The following FXR2 variants were observed in gnomAD, a reference collection of about 807,000 sequenced individuals.
FXR2 encodes the protein FMR1 autosomal homolog 2.
In FXR2, 9 loss-of-function variants were observed where a neutral mutation model predicts 87.3. The ratio of observed to expected loss-of-function variants is 0.10; its 90% CI spans 0.06 to 0.18. FXR2 has a LOEUF of 0.18. Ranked by LOEUF, FXR2 falls within the 10% of genes least tolerant of loss-of-function variation. FXR2 has a pLI of 1.00. For missense variants in FXR2, 661 were observed against 893.6 expected, an observed-to-expected ratio of 0.74 and a Z score of 3.32; for synonymous variants, 331 against 328.3, an observed-to-expected ratio of 1.01 and a Z score of -0.09.
chr17:7,612,324 A>C (rs1260509123), intron 1 of FXR2, among the ~76,000 whole-genome samples: 1 of 152,212 alleles, frequency 6.6e-6, no homozygotes. Flanking sequence ...CCACTTTAGG[A>C]AGCTATTTCA....
Position 7,614,643 on chromosome 17 carries a change from C to T in FXR2, c.-111G>A, listed in dbSNP as rs1254991796. The T allele has an allele frequency of 3.7e-6, 2 of 543,032 alleles. No homozygotes were observed. The highest frequency in any genetic ancestry group is 3.8e-5 in the East Asian group (1 of 26,206). The allele number at this position is 543,032 out of a possible 1,614,324, so 33.6% of individuals were successfully genotyped here. A position where few individuals can be genotyped will look rare whatever the true frequency, so the allele number is the denominator to read the frequency against. ...GGAGGAGGAGCCGGAGGGGGAGCCGCGGGGGGCGGGAGCCGGGCCGGCCCC... is the reference window on the plus strand; with the variant it reads ...GGAGGAGGAGCCGGAGGGGGAGCCGTGGGGGGCGGGAGCCGGGCCGGCCCC... On this transcript the variant is annotated 5_prime_UTR_variant, in exon 1 of 17. Transcript: ENST00000250113.
intron 7 of FXR2, among the ~76,000 whole-genome samples, chr17:7,601,094 G>A (rs1296339719): frequency 2.6e-5 from 4 of 151,378 alleles, no homozygotes; most frequent in South Asian, 2.1e-4. Flanking sequence ...CATGAGAATC[G>A]CTTAAACACA....
Position 7,614,549 on chromosome 17 carries a change from C to G in FXR2, c.-17G>C, listed in dbSNP as rs2150951265. 2 of 1,443,322 alleles carry G rather than the reference C, an allele frequency of 1.4e-6. No homozygotes were observed. The highest frequency in any genetic ancestry group is 3.0e-5 in the African/African-American group (2 of 67,368). The allele number at this position is 1,443,322 out of a possible 1,614,324, so 89.4% of individuals were successfully genotyped here. A position where few individuals can be genotyped will look rare whatever the true frequency, so the allele number is the denominator to read the frequency against. ...GCCGCCCATGGCGCCGCCACCGCCT[C>G]CGACTCCCCCGGCGGCGGCTGCAGC... On this transcript the variant is annotated 5_prime_UTR_variant, in exon 1 of 17. Transcript: ENST00000250113.
chr17:7,599,958 T>C (rs903010564), intron 7 of FXR2, among the ~76,000 whole-genome samples: 10 of 151,998 alleles, frequency 6.6e-5, no homozygotes, highest in Non-Finnish European at 1.2e-4. Context: ...AGTACAATGG[T>C]GTGATCTCGG....
At chr17:7,600,326 G>C (rs1458529455) in intron 7 of FXR2, among the ~76,000 whole-genome samples, 1 of 152,136 alleles carries the variant, frequency 6.6e-6, no homozygotes, top group Non-Finnish European at 1.5e-5. Flanking sequence ...AGTCTCTCGA[G>C]TAGCTGAAAT....
chr17:7,599,044 C>T (rs1016367077), intron 7 of FXR2, among the ~76,000 whole-genome samples: 1 of 150,336 alleles, frequency 6.7e-6, no homozygotes, highest in African/African-American at 2.5e-5. Flanking sequence ...GGCCGAGGCA[C>T]AAGAATCGCT....
intron 3 of FXR2, 73 bp from the exon 4 acceptor site, chr17:7,604,153 G>T: frequency 9.1e-7 from 1 of 1,104,662 alleles, no homozygotes; most frequent in Non-Finnish European, 1.4e-6. Flanking sequence ...GAGGAGGCCG[G>T]GCATGGTGGG....
rs1205615585 is a variant in FXR2, at chr17:7,592,932, T to G, written c.1529-38A>C. ...AGAAGAGGAGGAGTTGGCAGTCAGG[T>G]GCCCATCATCTTTCCTTTTGGCCCA... On this transcript the variant is annotated intron_variant, in intron 13 of 16. Coordinates refer to ENST00000250113, the MANE Select transcript of FXR2 (RefSeq NM_004860.4). The surrounding 1 kb of genome is among the most constrained non-coding windows in gnomAD (Gnocchi z 4.8). 1 of 1,545,970 alleles carries G rather than the reference T, an allele frequency of 6.5e-7. No individual in the cohort carries two copies. Among genetic ancestry groups the G allele is most frequent in the African/African-American group, 1.4e-5 (1 of 72,514 alleles).
chr17:7,597,030 T>C (rs1178157117), intron 7 of FXR2, among the ~76,000 whole-genome samples: 1 of 151,868 alleles, frequency 6.6e-6, no homozygotes, highest in African/African-American at 2.4e-5. Flanking sequence ...AACCAGGGAG[T>C]TGGAGGTTAC....
chr17:7,612,639 G>A (rs1418907393), intron 1 of FXR2, among the ~76,000 whole-genome samples: 3 of 152,086 alleles, frequency 2.0e-5, no homozygotes, highest in Non-Finnish European at 2.9e-5. Flanking sequence ...CACAGTCACC[G>A]CAGAGAAATA....
intron 6 of FXR2, among the ~76,000 whole-genome samples, chr17:7,602,476 G>A (rs927693224): frequency 3.3e-5 from 5 of 152,138 alleles, no homozygotes; most frequent in Middle Eastern, 3.2e-3. Flanking sequence ...GCTGAGGCAG[G>A]AGAATCGCTT....
chr17:7,605,614 C>T (rs561629010), intron 3 of FXR2, 31 bp downstream of exon 3: 2 of 1,103,140 alleles, frequency 1.8e-6, no homozygotes, highest in South Asian at 2.6e-5. Flanking sequence ...GGAAAAGTGA[C>T]ATTTAGAAAG....
intron 7 of FXR2, among the ~76,000 whole-genome samples, chr17:7,598,276 C>G (rs1242950430): frequency 6.6e-6 from 1 of 151,894 alleles, no homozygotes; most frequent in Non-Finnish European, 1.5e-5. Flanking sequence ...CGGTGAAACC[C>G]CATCTCTACT....
chr17:7,591,666 A>C lies in FXR2; in HGVS notation c.*164T>G, dbSNP rs1465555897. Reference sequence around the variant, plus strand: ...GAGGGAGGGGGTATGACCCTGTTACACACCCCTCCACTAGCTCCTGGAGGT... The same window carrying C: ...GAGGGAGGGGGTATGACCCTGTTACCCACCCCTCCACTAGCTCCTGGAGGT... On this transcript the variant is annotated 3_prime_UTR_variant, in exon 17 of 17. Coordinates refer to ENST00000250113, the MANE Select transcript of FXR2 (RefSeq NM_004860.4). The surrounding 1 kb of genome is among the most constrained non-coding windows in gnomAD (Gnocchi z 4.0). 2 of 662,274 alleles carry C rather than the reference A, an allele frequency of 3.0e-6. No individual in the cohort carries two copies. The highest frequency in any genetic ancestry group is 2.7e-5 in the East Asian group (1 of 36,548). The allele number at this position is 662,274 out of a possible 1,614,324, so 41.0% of individuals were successfully genotyped here.
chr17:7,599,429 A>T (rs1401640926), intron 7 of FXR2, among the ~76,000 whole-genome samples: 1 of 152,234 alleles, frequency 6.6e-6, no homozygotes, highest in Non-Finnish European at 1.5e-5. Flanking sequence ...GAAATTGCAC[A>T]GGCACAGAAA....
At position 7,594,497 on chromosome 17, in the gene FXR2, A is replaced by G. The variant is rs1412977195; in HGVS notation, c.911-150T>C. 3.0e-6 allele frequency: 2 copies of G among 662,590 alleles called. No individual in the cohort carries two copies. Among genetic ancestry groups the G allele is most frequent in the Non-Finnish European group, 5.3e-6 (2 of 375,494 alleles). 41.0% of individuals were successfully genotyped at this position (662,590 alleles called of 1,614,324 possible). A position where few individuals can be genotyped will look rare whatever the true frequency, so the allele number is the denominator to read the frequency against. On this transcript the variant is annotated intron_variant, in intron 9 of 16. Transcript: ENST00000250113. This position sits in a 1 kb window ranked among gnomAD's most constrained non-coding sequence, Gnocchi z 5.1. ...TAGGTTTCTGATGTGTTTTTACAGGACAAAATGTTACAATCCCTAGAAATT... is the reference window on the plus strand; with the variant it reads ...TAGGTTTCTGATGTGTTTTTACAGGGCAAAATGTTACAATCCCTAGAAATT...
rs2071665728 is a variant in FXR2, at chr17:7,591,983, G to T, written c.1927-58C>A. 1.6e-6 allele frequency: 2 copies of T among 1,240,872 alleles called. No homozygotes were observed. The highest frequency in any genetic ancestry group is 2.3e-6 in the Non-Finnish European group (2 of 868,174). The allele number at this position is 1,240,872 out of a possible 1,614,324, so 76.9% of individuals were successfully genotyped here. A position where few individuals can be genotyped will look rare whatever the true frequency, so the allele number is the denominator to read the frequency against. ...CAAGAAGCGGTGAGTAGAAATTCAG[G>T]TGGGAGACATTCCCTACCATCCAAG... On this transcript the variant is annotated intron_variant, in intron 16 of 16. Coordinates refer to ENST00000250113, the MANE Select transcript of FXR2 (RefSeq NM_004860.4). The surrounding 1 kb of genome is among the most constrained non-coding windows in gnomAD (Gnocchi z 4.0).
In FXR2 at chr17:7,593,955, G is replaced by T; in HGVS notation, c.1070C>A (p.Ala357Asp). The T allele has an allele frequency of 6.2e-7, 1 of 1,611,726 alleles. No homozygotes were observed. Among genetic ancestry groups the T allele is most frequent in the Non-Finnish European group, 8.5e-7 (1 of 1,177,870 alleles). The change falls in exon 11 of 17, where the codon GCC becomes GAC. Residue 357 changes from alanine to aspartate, a missense_variant. Ala to Asp is a moderately radical substitution (Grantham distance 126). Transcript: ENST00000250113. The surrounding 1 kb of genome is among the most constrained non-coding windows in gnomAD (Gnocchi z 6.1). ...FVGTRENISN[A>D]QALLEYHLSY... ...GAGGTGATACTCCAGCAAAGCCTGG[G>T]CATTGCTGATGTTCTCTCGGGTGCC...
chr17:7,603,944 G>C, intron 4 of FXR2, 39 bp from the exon 5 acceptor site: 1 of 1,612,116 alleles, frequency 6.2e-7, no homozygotes, highest in African/African-American at 1.3e-5. Flanking sequence ...TGGATGACCT[G>C]AGCAACTTTC....
Sources: gnomAD v4.1 joint callset for allele counts (sites outside exome capture counted in the v4.1 genomes callset) on GRCh38, gnomAD v4.1.1 for gene constraint, Gnocchi (gnomAD v3.1) non-coding constraint, MANE v1.5 for transcripts, NCBI Gene and HGNC (gene_info 2026-07-23, HGNC 2026-07-21) for gene names.